Variants in SERINC1 observed in about 807,000 individuals in gnomAD.
SERINC1 encodes the protein tumor differentially expressed protein 2.
In SERINC1, 38 loss-of-function variants were observed where a neutral mutation model predicts 52.9. The ratio of observed to expected loss-of-function variants is 0.72; its 90% CI spans 0.55 to 0.94. SERINC1 has a LOEUF of 0.94. Ranked by LOEUF, SERINC1 falls within the 40% of genes least tolerant of loss-of-function variation. The pLI is 0.00. For synonymous variants in SERINC1, 198 were observed against 183.1 expected (o/e 1.08, Z -0.66); for missense variants, 471 against 533.9 (o/e 0.88, Z 1.16).
intron 1 of SERINC1, among the ~76,000 whole-genome samples, chr6:122,471,440 A>C (rs1222308206): frequency 1.3e-5 from 2 of 152,136 alleles, no homozygotes; most frequent in Non-Finnish European, 2.9e-5. Context: ...GAGGGGCCCT[A>C]TTCTAGTTCT....
chr6:122,461,735 A>C (rs1317906426), intron 1 of SERINC1, among the ~76,000 whole-genome samples: 1 of 152,184 alleles, frequency 6.6e-6, no homozygotes, highest in Non-Finnish European at 1.5e-5. Flanking sequence ...TTTCAGGAAT[A>C]GAAAAGACAA....
At chr6:122,469,031 A>AAAAATT (rs1775230835) in intron 1 of SERINC1, among the ~76,000 whole-genome samples, 1 of 152,188 alleles carries the variant, frequency 6.6e-6, no homozygotes, top group Non-Finnish European at 1.5e-5. Flanking sequence ...TAATGTTTAA[A>AAAAATT]GTAATTAACA....
intron 2 of SERINC1, among the ~76,000 whole-genome samples, chr6:122,457,698 T>G (rs1775023171): frequency 6.6e-6 from 1 of 152,084 alleles, no homozygotes; most frequent in Admixed American, 6.6e-5. Flanking sequence ...GGTGGCACCC[T>G]GATCTCGGAC....
intron 7 of SERINC1, among the ~76,000 whole-genome samples, chr6:122,450,740 T>C (rs963486236): frequency 6.6e-6 from 1 of 152,084 alleles, no homozygotes; most frequent in Non-Finnish European, 1.5e-5. Context: ...CCCTCATAGA[T>C]GACTGAGGAT....
chr6:122,451,776 A>AAAATATATATATATATATATATATATAT, intron 6 of SERINC1, 22 bp from the exon 7 acceptor site: 1 of 95,494 alleles, frequency 1.0e-5, no homozygotes, highest in African/African-American at 7.7e-5. Flanking sequence ...AAAAAAAAAA[A>AAAATATATATATATATATATATATATAT]ATATATATAT....
rs1050420476 is a variant in SERINC1, at chr6:122,444,423, A to G, written c.*621T>C. ...TTCATGAGTTTAAAACAACCAAAACAGTTCACTTTGTTGGCAAAGGCCATC... is the reference window on the plus strand; with the variant it reads ...TTCATGAGTTTAAAACAACCAAAACGGTTCACTTTGTTGGCAAAGGCCATC... On this transcript the variant is annotated 3_prime_UTR_variant, in exon 10 of 10. Coordinates refer to ENST00000339697, the MANE Select transcript of SERINC1 (RefSeq NM_020755.4). 6.6e-6 allele frequency: 1 copy of G among 152,238 alleles called. No homozygotes were observed. Among genetic ancestry groups the G allele is most frequent in the Non-Finnish European group, 1.5e-5 (1 of 68,086 alleles). The allele number at this position is 152,238 out of a possible 1,614,324, so 9.4% of individuals were successfully genotyped here. A position where few individuals can be genotyped will look rare whatever the true frequency, so the allele number is the denominator to read the frequency against.
intron 7 of SERINC1, among the ~76,000 whole-genome samples, chr6:122,449,628 G>A (rs1774869209): frequency 1.3e-5 from 2 of 152,186 alleles, no homozygotes. Flanking sequence ...GAAAGAAACT[G>A]TCTCCGTAAC....
chr6:122,454,341 C>A, intron 3 of SERINC1, 111 bp from the exon 4 acceptor site: 1 of 624,918 alleles, frequency 1.6e-6, no homozygotes, highest in South Asian at 2.1e-5. Context: ...TGTGAATGTT[C>A]TACTTCTTTC....
intron 2 of SERINC1, among the ~76,000 whole-genome samples, chr6:122,457,804 C>CATACAT (rs1554211589): frequency 2.7e-5 from 4 of 147,706 alleles, no homozygotes; most frequent in African/African-American, 9.9e-5. Flanking sequence ...GTAAGACATA[C>CATACAT]ATATATATAT....
chr6:122,465,220 T>C (rs991139193), intron 1 of SERINC1, among the ~76,000 whole-genome samples: 4 of 152,230 alleles, frequency 2.6e-5, no homozygotes, highest in Admixed American at 2.6e-4. Context: ...CACAATTCAT[T>C]TGGCAGAATC....
At chr6:122,466,715 C>G (rs1391642066) in intron 1 of SERINC1, among the ~76,000 whole-genome samples, 3 of 152,032 alleles carry the variant, frequency 2.0e-5, no homozygotes, top group African/African-American at 7.2e-5. Context: ...GTTCTGAAAA[C>G]AATCAAGGAA....
chr6:122,453,571 G>C (rs1371031504), intron 5 of SERINC1, among the ~76,000 whole-genome samples, 199 bp downstream of exon 5: 2 of 152,114 alleles, frequency 1.3e-5, no homozygotes, highest in Non-Finnish European at 2.9e-5. Context: ...CTTGGGTTAT[G>C]TTCCCAGTTA....
chr6:122,471,360 C>G (rs1775293240), intron 1 of SERINC1, among the ~76,000 whole-genome samples: 1 of 150,446 alleles, frequency 6.6e-6, no homozygotes, highest in African/African-American at 2.5e-5. Flanking sequence ...ATGGCCTGCG[C>G]AGATACAAAC....
chr6:122,451,548 G>C, intron 7 of SERINC1, 116 bp downstream of exon 7: 1 of 373,314 alleles, frequency 2.7e-6, no homozygotes, highest in South Asian at 3.9e-5. Flanking sequence ...TCAAAACTTT[G>C]TACTTTATTC....
At position 122,458,695 on chromosome 6, in the gene SERINC1, T is replaced by A; in HGVS notation, c.40-14A>T. On this transcript the variant is annotated splice_polypyrimidine_tract_variant and intron_variant, in intron 1 of 9. Coordinates refer to ENST00000339697, the MANE Select transcript of SERINC1 (RefSeq NM_020755.4). ...CAAACATGGTATCTGGGAAAAAGAA[T>A]ATTATTGAAAATATTATTAAGAATC... 1 of 1,554,662 alleles carries A rather than the reference T, an allele frequency of 6.4e-7. No homozygotes were observed.
chr6:122,454,802 C>T (rs918017644), intron 3 of SERINC1, among the ~76,000 whole-genome samples: 1 of 152,156 alleles, frequency 6.6e-6, no homozygotes, highest in Admixed American at 6.5e-5. Context: ...CAATGGGTAG[C>T]AGAAGGCAGT....
chr6:122,459,641 AT>A (rs1775065465), intron 1 of SERINC1, among the ~76,000 whole-genome samples: 2 of 152,212 alleles, frequency 1.3e-5, no homozygotes, highest in South Asian at 4.1e-4. Context: ...TATAAGGCAT[AT>A]GAAGAATTCA....
chr6:122,459,397 T>C (rs1775060246), intron 1 of SERINC1, among the ~76,000 whole-genome samples: 1 of 152,180 alleles, frequency 6.6e-6, no homozygotes, highest in African/African-American at 2.4e-5. Flanking sequence ...AGAAGGTGGA[T>C]GAACCAGATC....
chr6:122,471,065 G>C (rs911761554), intron 1 of SERINC1, among the ~76,000 whole-genome samples: 6 of 150,888 alleles, frequency 4.0e-5, no homozygotes, highest in African/African-American at 9.7e-5. Flanking sequence ...CAAGGCATGC[G>C]TGTGTCATCT....
Sources: gnomAD v4.1 joint callset for allele counts (sites outside exome capture counted in the v4.1 genomes callset) on GRCh38, gnomAD v4.1.1 for gene constraint, MANE v1.5 for transcripts, NCBI Gene and HGNC (gene_info 2026-07-23, HGNC 2026-07-21) for gene names.